Variants in KAT6B observed in about 807,000 individuals in gnomAD.
KAT6B encodes lysine acetyltransferase 6B.
A neutral mutation model predicts 187.5 loss-of-function variants in KAT6B; 10 were observed. The ratio of observed to expected loss-of-function variants is 0.05; its 90% CI spans 0.03 to 0.09. The LOEUF (loss-of-function observed/expected upper bound fraction) is 0.09, where lower values mean the gene tolerates loss of function less well. Among genes scored for constraint, KAT6B ranks in the 10% least tolerant of loss-of-function variants. The pLI, the probability that KAT6B is intolerant of heterozygous loss-of-function variation, is 1.00. For synonymous variants in KAT6B, 861 were observed against 926.8 expected, an observed-to-expected ratio of 0.93 and a Z score of 1.29; for missense variants, 1,952 against 2,558.9, an observed-to-expected ratio of 0.76 and a Z score of 5.12.
intron 3 of KAT6B, among the ~76,000 whole-genome samples, chr10:74,941,170 C>T (rs776029066): frequency 2.0e-5 from 3 of 152,152 alleles, no homozygotes; most frequent in East Asian, 1.9e-4. Context: ...TCTGTGCACC[C>T]GCACCCCCAG....
intron 3 of KAT6B, among the ~76,000 whole-genome samples, chr10:74,902,150 A>C (rs1400419554): frequency 6.6e-6 from 1 of 152,076 alleles, no homozygotes; most frequent in East Asian, 1.9e-4. Context: ...TCTAGCCCAT[A>C]GCTCCTCTTT....
In KAT6B at chr10:74,961,667, T is replaced by G. The variant is rs145623967; in HGVS notation, c.730+1589T>G. Among the ~76,000 whole-genome samples, 32 of 152,336 alleles carry G rather than the reference T, an allele frequency of 2.1e-4. No homozygotes were observed. In the East Asian group the frequency reaches 6.2e-3, roughly 29 times the overall value. On this transcript the variant is annotated intron_variant, in intron 4 of 17. Coordinates refer to ENST00000287239, the MANE Select transcript of KAT6B (RefSeq NM_012330.4). ...CTTAGATTTTCTGATGTAATCAATC[T>G]CCCTTTGTCTTTCCCGGATTGAAGA...
At position 74,882,258 on chromosome 10, in the gene KAT6B, C is replaced by G. The variant is rs181557971; in HGVS notation, c.621+38780C>G. 1.9e-4 allele frequency among the ~76,000 whole-genome samples: 29 copies of G among 152,334 alleles called. No homozygotes were observed. The East Asian group carries it at 1.9e-3, about 10-fold the overall frequency. On this transcript the variant is annotated intron_variant, in intron 3 of 17. Coordinates refer to ENST00000287239, the MANE Select transcript of KAT6B (RefSeq NM_012330.4). ...TTAGTATTAATCTGGCTCACTGACT[C>G]TTTTCCTTAACCTCATCCTAAAACT...
chr10:74,921,199 C>T (rs1266799328), intron 3 of KAT6B, among the ~76,000 whole-genome samples: 1 of 150,256 alleles, frequency 6.7e-6, no homozygotes, highest in East Asian at 2.0e-4. Flanking sequence ...ACTGCAACCT[C>T]CACCTCCTGG....
chr10:74,941,446 TGAAAAA>T (rs1194172314), intron 3 of KAT6B, among the ~76,000 whole-genome samples: 6 of 151,976 alleles, frequency 3.9e-5, no homozygotes, highest in Non-Finnish European at 5.9e-5. Context: ...GCTAGACTAA[TGAAAAA>T]GAAAAAGACA....
intron 12 of KAT6B, 97 bp downstream of exon 12, chr10:74,985,338 A>C: frequency 8.4e-7 from 1 of 1,186,064 alleles, no homozygotes; most frequent in Non-Finnish European, 1.2e-6. Context: ...CTATAATTTG[A>C]ATAAGTGACA....
intron 3 of KAT6B, among the ~76,000 whole-genome samples, chr10:74,885,858 A>C (rs1323834271): frequency 6.6e-6 from 1 of 151,766 alleles, no homozygotes; most frequent in Non-Finnish European, 1.5e-5. Flanking sequence ...CAGCCTCCCG[A>C]GTAGCTGGGA....
chr10:74,859,212 C>A (rs1589489807), intron 3 of KAT6B, among the ~76,000 whole-genome samples: 1 of 152,192 alleles, frequency 6.6e-6, no homozygotes, highest in East Asian at 1.9e-4. Flanking sequence ...TCCTGAGTAG[C>A]TGGAATTACA....
chr10:75,026,700 C>T (rs926264304), intron 17 of KAT6B, among the ~76,000 whole-genome samples: 2 of 151,972 alleles, frequency 1.3e-5, no homozygotes, highest in African/African-American at 4.8e-5. Flanking sequence ...GTTTATTTCC[C>T]CTTCTTGGCT....
chr10:74,972,410 G>C (rs1338548873), intron 6 of KAT6B, 97 bp from the exon 7 acceptor site: 5 of 869,692 alleles, frequency 5.7e-6, no homozygotes, highest in Non-Finnish European at 9.0e-6. Context: ...CAGCATACAG[G>C]CATCCTTGAG....
At chr10:74,843,608 G>C (rs949049717) in intron 3 of KAT6B, 130 bp downstream of exon 3, 2 of 1,159,910 alleles carry the variant, frequency 1.7e-6, no homozygotes, top group African/African-American at 1.5e-5. Flanking sequence ...CTTAGAGCAG[G>C]CTTTTGTATT....
intron 13 of KAT6B, among the ~76,000 whole-genome samples, chr10:74,999,614 A>T (rs903727928): frequency 3.9e-5 from 6 of 152,336 alleles, no homozygotes; most frequent in Middle Eastern, 3.4e-3. Flanking sequence ...AACAGTCACA[A>T]TAATCATCAT....
intron 3 of KAT6B, among the ~76,000 whole-genome samples, chr10:74,908,747 T>G (rs1467931515): frequency 1.3e-5 from 2 of 152,180 alleles, no homozygotes; most frequent in South Asian, 2.1e-4. Context: ...TCATATACTT[T>G]TGTAGTTTAG....
At chr10:74,930,110 A>G (rs1848769771) in intron 3 of KAT6B, among the ~76,000 whole-genome samples, 1 of 151,892 alleles carries the variant, frequency 6.6e-6, no homozygotes, top group Non-Finnish European at 1.5e-5. Context: ...TTTAGTAGAG[A>G]TGGGGTTTCA....
intron 3 of KAT6B, among the ~76,000 whole-genome samples, chr10:74,942,555 C>T (rs1258389871): frequency 2.0e-5 from 3 of 151,972 alleles, no homozygotes; most frequent in Non-Finnish European, 4.4e-5. Flanking sequence ...CACCTGAGGT[C>T]AGGAGTTCGA....
At chr10:74,962,745 TATC>T (rs1841189000) in intron 4 of KAT6B, among the ~76,000 whole-genome samples, 1 of 152,226 alleles carries the variant, frequency 6.6e-6, no homozygotes, top group Non-Finnish European at 1.5e-5. Flanking sequence ...GTAATAAATG[TATC>T]CTTCTGCTTA....
At chr10:74,860,449 G>A (rs1229747280) in intron 3 of KAT6B, among the ~76,000 whole-genome samples, 2 of 152,148 alleles carry the variant, frequency 1.3e-5, no homozygotes, top group African/African-American at 4.8e-5. Flanking sequence ...TGAAAGATAA[G>A]TACTGTTATT....
intron 3 of KAT6B, among the ~76,000 whole-genome samples, chr10:74,900,802 T>C (rs1846329141): frequency 6.6e-6 from 1 of 152,234 alleles, no homozygotes; most frequent in Admixed American, 6.5e-5. Flanking sequence ...GTAAGAATTA[T>C]TCATTGAGTG....
chr10:74,941,495 G>A (rs1849663546), intron 3 of KAT6B, among the ~76,000 whole-genome samples: 2 of 152,162 alleles, frequency 1.3e-5, no homozygotes, highest in African/African-American at 4.8e-5. Context: ...AGAGGAGATA[G>A]CATTGAAGAC....
Sources: allele counts gnomAD v4.1 joint callset (sites outside exome capture counted in the v4.1 genomes callset), GRCh38; gene constraint gnomAD v4.1.1; transcripts MANE v1.5; gene names NCBI Gene and HGNC (gene_info 2026-07-23, HGNC 2026-07-21).